Variants in CYFIP2 observed in about 807,000 individuals in gnomAD.
The protein encoded by CYFIP2 is cytoplasmic FMR1 interacting protein 2.
In CYFIP2, 29 loss-of-function variants were observed where a neutral mutation model predicts 158.7. That is an observed-to-expected ratio of 0.18 (90% CI 0.14 to 0.25). CYFIP2 has a LOEUF of 0.25. CYFIP2 is among the 10% of genes least tolerant of loss of function. The probability of loss-of-function intolerance (pLI) is 1.00; values close to 1 mark genes in which losing one functional copy is unlikely to be tolerated. For synonymous variants in CYFIP2, 585 were observed against 617.6 expected, an observed-to-expected ratio of 0.95 and a Z score of 0.78; for missense variants, 852 against 1,639.5, an observed-to-expected ratio of 0.52 and a Z score of 8.29.
intron 23 of CYFIP2, among the ~76,000 whole-genome samples, chr5:157,354,324 G>A (rs1301805250): frequency 1.3e-5 from 2 of 152,072 alleles, no homozygotes; most frequent in Non-Finnish European, 2.9e-5. Context: ...CCCATTGATT[G>A]GAACCTATCA....
rs951384428 is a variant in CYFIP2 at position 157,389,218 on chromosome 5, C to T, written c.3237C>T (p.Leu1079=). 1 of 1,613,488 alleles carries T rather than the reference C, an allele frequency of 6.2e-7. No individual in the cohort carries two copies. Among genetic ancestry groups the T allele is most frequent in the Non-Finnish European group, 8.5e-7 (1 of 1,179,518 alleles). ...QQIAIAREGD[L]LTKERLCCGL... is the part of the protein sequence containing the mutation. ...TCGCCATTGCTCGCGAGGGTGACCT[C>T]CTGACCAAGGAGCGGCTGTGCTGTG... Residue 1079 remains leucine, a synonymous_variant, in exon 29 of 31, where the codon CTC becomes CTT. Transcript: ENST00000620254.
At chr5:157,336,731 G>C (rs1039198327) in intron 21 of CYFIP2, among the ~76,000 whole-genome samples, 3 of 152,294 alleles carry the variant, frequency 2.0e-5, no homozygotes, top group African/African-American at 7.2e-5. Context: ...TAGTAAACCA[G>C]CCTTGCTGTG....
intron 1 of CYFIP2, among the ~76,000 whole-genome samples, chr5:157,283,237 A>G (rs913676068): frequency 6.6e-6 from 1 of 152,198 alleles, no homozygotes; most frequent in Non-Finnish European, 1.5e-5. Flanking sequence ...TATAGGGTGG[A>G]TGCAAGATTG....
At chr5:157,340,239 T>C (rs922641063) in intron 22 of CYFIP2, among the ~76,000 whole-genome samples, 4 of 152,188 alleles carry the variant, frequency 2.6e-5, no homozygotes, top group African/African-American at 9.7e-5. Context: ...GCAAAAAAAA[T>C]GTATTCATCT....
At chr5:157,314,841 T>A in intron 12 of CYFIP2, 128 bp from the exon 13 acceptor site, 1 of 763,306 alleles carries the variant, frequency 1.3e-6, no homozygotes, top group Admixed American at 3.0e-5. Context: ...AGGTTTTTCA[T>A]GTTGTAGCAT....
intron 28 of CYFIP2, among the ~76,000 whole-genome samples, chr5:157,387,674 ATTTTT>A (rs3052309): frequency 2.1e-5 from 3 of 145,980 alleles, no homozygotes; most frequent in Non-Finnish European, 3.0e-5. Flanking sequence ...CAGGCTCAGG[ATTTTT>A]TTTTTTTTTT....
intron 9 of CYFIP2, 49 bp from the exon 10 acceptor site, chr5:157,309,694 C>A (rs779546541): frequency 1.3e-6 from 2 of 1,545,648 alleles, no homozygotes; most frequent in Non-Finnish European, 1.8e-6. Context: ...AAGGCAGCCA[C>A]CCCAACCCCT....
intron 3 of CYFIP2, among the ~76,000 whole-genome samples, chr5:157,290,029 A>T (rs974780686): frequency 6.6e-6 from 1 of 152,286 alleles, no homozygotes; most frequent in Non-Finnish European, 1.5e-5. Context: ...GAGGATATGG[A>T]TGTGAGGGAC....
chr5:157,376,806 T>C (rs928266930), intron 26 of CYFIP2: 2 of 441,640 alleles, frequency 4.5e-6, no homozygotes, highest in Admixed American at 4.8e-5. Flanking sequence ...CATCCCATGC[T>C]GACTTCCAAG....
intron 3 of CYFIP2, among the ~76,000 whole-genome samples, chr5:157,293,058 GTA>G (rs1377329066): frequency 0.019 from 2,893 of 151,758 alleles, 102 homozygotes; most frequent in African/African-American, 0.067. Context: ...ATGTATGTAT[GTA>G]TGTATGTGTG....
chr5:157,311,264 C>A lies in CYFIP2; in HGVS notation c.993-400C>A. Reference sequence around the variant, plus strand: ...AAAGGCCCCCCAAAGCCAGCTTCAACCGCAGAGTGTCTGTGCTGTCAGAGT... The same window carrying A: ...AAAGGCCCCCCAAAGCCAGCTTCAAACGCAGAGTGTCTGTGCTGTCAGAGT... On this transcript the variant is annotated intron_variant, in intron 10 of 30. Coordinates refer to ENST00000620254, the MANE Select transcript of CYFIP2 (RefSeq NM_001037333.3). This position sits in a 1 kb window ranked among gnomAD's most constrained non-coding sequence, Gnocchi z 4.7. 1 of 374,396 alleles carries A rather than the reference C, an allele frequency of 2.7e-6. No individual in the cohort carries two copies. The highest frequency in any genetic ancestry group is 2.0e-5 in the South Asian group (1 of 49,896). The allele number at this position is 374,396 out of a possible 1,614,324, so 23.2% of individuals were successfully genotyped here. A position where few individuals can be genotyped will look rare whatever the true frequency, so the allele number is the denominator to read the frequency against.
chr5:157,379,668 C>CAAAAAAAAAAAAAAAA (rs70984468), intron 26 of CYFIP2, among the ~76,000 whole-genome samples: 5 of 73,638 alleles, frequency 6.8e-5, no homozygotes, highest in African/African-American at 2.6e-4. Flanking sequence ...GACCCTGTCT[C>CAAAAAAAAAAAAAAAA]AAAAAAAAAA....
At chr5:157,321,668 A>T (rs777407402) in intron 15 of CYFIP2, among the ~76,000 whole-genome samples, 3 of 152,100 alleles carry the variant, frequency 2.0e-5, no homozygotes, top group Non-Finnish European at 4.4e-5. Context: ...CTCTGTTCTC[A>T]GTCACCCAAG....
At chr5:157,370,272 G>C (rs1439921879) in intron 26 of CYFIP2, among the ~76,000 whole-genome samples, 2 of 152,184 alleles carry the variant, frequency 1.3e-5, no homozygotes, top group Non-Finnish European at 2.9e-5. Context: ...GACTAGAGCT[G>C]CCAGAGTCTT....
At chr5:157,286,577 TA>T (rs869251987) in intron 2 of CYFIP2, among the ~76,000 whole-genome samples, 6 of 147,650 alleles carry the variant, frequency 4.1e-5, no homozygotes, top group East Asian at 1.9e-4. Flanking sequence ...TATATATATA[TA>T]TTTAGCCTTT....
chr5:157,328,142 C>A (rs542665764), intron 19 of CYFIP2, 93 bp downstream of exon 19: 1 of 1,256,580 alleles, frequency 8.0e-7, no homozygotes. Context: ...TCTTCTTTAG[C>A]ACCTTAGGAA....
At chr5:157,382,149 A>G (rs1259178400) in intron 26 of CYFIP2, among the ~76,000 whole-genome samples, 1 of 152,190 alleles carries the variant, frequency 6.6e-6, no homozygotes, top group Non-Finnish European at 1.5e-5. Flanking sequence ...AGGCCTTTAC[A>G]CAGAGTCCTA....
rs562533942 is a variant in CYFIP2, at chr5:157,290,889, G to A, written c.207+3781G>A. On this transcript the variant is annotated intron_variant, in intron 3 of 30. Transcript: ENST00000620254. ...GGATAGCCAGAGAAAAGAGGAGGAG[G>A]GGAAGTACGTAAACCACATAACTGA... is the stretch of plus-strand genomic sequence containing the variant. Among the ~76,000 whole-genome samples the A allele has an allele frequency of 3.5e-4, 53 of 152,292 alleles. No individual in the cohort carries two copies. The South Asian group carries it at 0.011, about 30-fold the overall frequency.
At chr5:157,292,297 G>A (rs532297641) in intron 3 of CYFIP2, among the ~76,000 whole-genome samples, 51 of 151,396 alleles carry the variant, frequency 3.4e-4, no homozygotes, top group African/African-American at 1.2e-3. Flanking sequence ...TTGGCTCACC[G>A]CAACTTCCAC....
Sources: allele counts gnomAD v4.1 joint callset (sites outside exome capture counted in the v4.1 genomes callset), GRCh38; gene constraint gnomAD v4.1.1; non-coding constraint Gnocchi (gnomAD v3.1); transcripts MANE v1.5; gene names NCBI Gene and HGNC (gene_info 2026-07-23, HGNC 2026-07-21).